Variants in ANKRD36C observed in about 807,000 individuals in gnomAD.
The protein encoded by ANKRD36C is ankyrin repeat domain 36C, also known as ankyrin repeat domain-containing protein 36C.
A neutral mutation model predicts 276.4 loss-of-function variants in ANKRD36C; 61 were observed. The ratio of observed to expected loss-of-function variants is 0.22; its 90% CI spans 0.18 to 0.27. The LOEUF (loss-of-function observed/expected upper bound fraction) is 0.27, where lower values mean the gene tolerates loss of function less well. ANKRD36C is among the 10% of genes least tolerant of loss of function. The pLI, the probability that ANKRD36C is intolerant of heterozygous loss-of-function variation, is 1.00. For missense variants in ANKRD36C, 1,447 were observed against 2,032.3 expected (o/e 0.71, Z 5.54); for synonymous variants, 483 against 680.1 (o/e 0.71, Z 4.51).
chr2:95,953,693 G>A (rs1678256924), intron 14 of ANKRD36C, among the ~76,000 whole-genome samples: 1 of 151,968 alleles, frequency 6.6e-6, no homozygotes, highest in Non-Finnish European at 1.5e-5. Flanking sequence ...TTCTGTCACT[G>A]TGTATTTCCC....
At position 95,912,532 on chromosome 2, in the gene ANKRD36C, C is replaced by T. The variant is rs150697611; in HGVS notation, c.2552-97G>A. ...TTAGCATCAACCTCTGACCTCCTGC[C>T]TGTATTAGTGGAGGCTTTGATGGCT... On this transcript the variant is annotated intron_variant, in intron 40 of 66. Coordinates refer to ENST00000456556, the Ensembl canonical transcript of ANKRD36C. 9.4e-3 allele frequency: 14,782 copies of T among 1,579,338 alleles called. 101 individuals are homozygous for T. Among genetic ancestry groups the T allele is most frequent in the Non-Finnish European group, 0.011 (13,052 of 1,165,280 alleles).
intron 3 of ANKRD36C, among the ~76,000 whole-genome samples, chr2:95,983,584 C>CATTTATTTATTTATTT (rs201816275): frequency 5.4e-5 from 8 of 148,656 alleles, no homozygotes; most frequent in Non-Finnish European, 8.9e-5. Flanking sequence ...TTATTTGCAT[C>CATTTATTTATTTATTT]ATTTATTTAT....
At chr2:95,914,714 A>G (rs942955158) in intron 38 of ANKRD36C, among the ~76,000 whole-genome samples, 2 of 151,460 alleles carry the variant, frequency 1.3e-5, no homozygotes, top group African/African-American at 4.8e-5. Context: ...CCATTATACT[A>G]CAAACATTCA....
At chr2:95,913,427 A>G (rs992552040) in intron 40 of ANKRD36C, among the ~76,000 whole-genome samples, 5 of 151,444 alleles carry the variant, frequency 3.3e-5, no homozygotes, top group Admixed American at 1.3e-4. Context: ...TCAACAAAAC[A>G]TGTATCTCTG....
intron 42 of ANKRD36C, among the ~76,000 whole-genome samples, chr2:95,902,642 C>T (rs2104380102): frequency 6.7e-6 from 1 of 150,208 alleles, no homozygotes; most frequent in South Asian, 2.1e-4. Context: ...CCCCTTATGC[C>T]TTGAACTGCT....
intron 44 of ANKRD36C, among the ~76,000 whole-genome samples, chr2:95,892,106 A>C (rs186879954): frequency 1.3e-5 from 2 of 151,694 alleles, no homozygotes; most frequent in East Asian, 3.9e-4. Flanking sequence ...GAAAACTAAA[A>C]TAAAACCGTG....
intron 19 of ANKRD36C, among the ~76,000 whole-genome samples, 175 bp from the exon 20 acceptor site, chr2:95,941,374 AAAAC>A (rs959653287): frequency 5.3e-5 from 8 of 151,162 alleles, no homozygotes; most frequent in Non-Finnish European, 7.4e-5. Flanking sequence ...AAGAAACATA[AAAAC>A]AAACAAAAGC....
chr2:95,863,918 C>T (rs1308396569), intron 60 of ANKRD36C, among the ~76,000 whole-genome samples: 1 of 151,946 alleles, frequency 6.6e-6, no homozygotes, highest in Non-Finnish European at 1.5e-5. Context: ...GTACATTTGT[C>T]CAAATCCATA....
rs1258330922 is a variant in ANKRD36C at position 95,947,059 on chromosome 2, AG to A, written c.1362+1470del. ...TATAAAAAAATAAAAAAATAAAAAA[AG>A]AGTAATGTATGTCCTGAAAAATATG... On this transcript the variant is annotated intron_variant, in intron 17 of 66. Coordinates refer to ENST00000456556, the Ensembl canonical transcript of ANKRD36C. Among the ~76,000 whole-genome samples, 6 of 152,084 alleles carry A rather than the reference AG, an allele frequency of 3.9e-5. No individual in the cohort carries two copies. The East Asian group carries it at 1.2e-3, about 29-fold the overall frequency.
chr2:95,873,594 T>C (rs1171431441), intron 59 of ANKRD36C, among the ~76,000 whole-genome samples: 1 of 152,232 alleles, frequency 6.6e-6, no homozygotes, highest in African/African-American at 2.4e-5. Flanking sequence ...AGCATTCCCT[T>C]TGAAAACTGG....
intron 48 of ANKRD36C, among the ~76,000 whole-genome samples, 181 bp downstream of exon 68, chr2:95,889,618 C>G (rs968049132): frequency 1.3e-5 from 2 of 151,494 alleles, no homozygotes; most frequent in Non-Finnish European, 3.0e-5. Context: ...AATCTTAGTA[C>G]TTTCATCATG....
chr2:95,987,821 A>T (rs1419173491), intron 1 of ANKRD36C, among the ~76,000 whole-genome samples: 1 of 151,980 alleles, frequency 6.6e-6, no homozygotes, highest in Non-Finnish European at 1.5e-5. Flanking sequence ...AAGTAAAATG[A>T]TACAATCATA....
chr2:95,936,906 T>C (rs1275815978), intron 22 of ANKRD36C, among the ~76,000 whole-genome samples: 306 of 144,238 alleles, frequency 2.1e-3, no homozygotes, highest in African/African-American at 7.3e-3. Flanking sequence ...AGCAGCCCCA[T>C]GTCCTCCTCT....
At chr2:95,890,102 T>G (rs1033152608) in intron 46 of ANKRD36C, 108 bp from the exon 67 acceptor site, 26 of 1,392,846 alleles carry the variant, frequency 1.9e-5, no homozygotes, top group Non-Finnish European at 2.4e-5. Context: ...TGTATTAGTG[T>G]AGGCTTTGAT....
intron 42 of ANKRD36C, 115 bp from the exon 53 acceptor site, chr2:95,903,196 T>G: frequency 6.7e-7 from 1 of 1,481,558 alleles, no homozygotes; most frequent in South Asian, 1.2e-5. Flanking sequence ...GCGTAGGCTT[T>G]GATGGCTTCT....
rs546394236 is a variant in ANKRD36C, at chr2:95,966,586, G to T, written c.800-4039C>A. On this transcript the variant is annotated intron_variant, in intron 6 of 66. Coordinates refer to ENST00000456556, the Ensembl canonical transcript of ANKRD36C. ...TGTAGCCTTGTAGTATATTTTGAAG[G>T]CAGGTAGCATGATGCCTCCAAATTT... 3.8e-3 allele frequency among the ~76,000 whole-genome samples: 585 copies of T among 152,150 alleles called. 4 individuals carry two copies. The highest frequency in any genetic ancestry group is 0.031 in the Middle Eastern group (9 of 294).
chr2:95,889,188 T>C (rs2104343000), intron 48 of ANKRD36C, among the ~76,000 whole-genome samples: 1 of 151,698 alleles, frequency 6.6e-6, no homozygotes, highest in East Asian at 1.9e-4. Flanking sequence ...CATAGTTTCC[T>C]GCTTCCAGTA....
intron 13 of ANKRD36C, 65 bp downstream of exon 13, chr2:95,956,721 A>T: frequency 7.1e-7 from 1 of 1,412,620 alleles, no homozygotes; most frequent in Non-Finnish European, 9.6e-7. Flanking sequence ...CTAAACGGGC[A>T]CTAGTTTCTA....
exon 48 of ANKRD36C, chr2:95,889,827 T>A: frequency 4.4e-6 from 7 of 1,599,388 alleles, no homozygotes; most frequent in Non-Finnish European, 4.3e-6. Flanking sequence ...CATCCTTTGT[T>A]TCTGTGGCCA....
Sources: gnomAD v4.1 joint callset for allele counts (sites outside exome capture counted in the v4.1 genomes callset) on GRCh38, gnomAD v4.1.1 for gene constraint, MANE v1.5 for transcripts, NCBI Gene and HGNC (gene_info 2026-07-23, HGNC 2026-07-21) for gene names.